Variants in RNF152 observed in about 807,000 individuals in gnomAD.
RNF152 encodes the protein E3 ubiquitin-protein ligase RNF152.
A neutral mutation model predicts 12.7 loss-of-function variants in RNF152; 11 were observed. The observed-to-expected ratio is 0.86, with a 90% confidence interval of 0.54 to 1.43. The LOEUF (loss-of-function observed/expected upper bound fraction) is 1.43, where lower values mean the gene tolerates loss of function less well. Ranked by LOEUF, RNF152 falls within the 40% of genes most tolerant of loss-of-function variation. RNF152 has a pLI of 0.00. For missense variants in RNF152, 255 were observed against 274.8 expected (o/e 0.93, Z 0.51); for synonymous variants, 113 against 120.3 (o/e 0.94, Z 0.40).
intron 1 of RNF152, among the ~76,000 whole-genome samples, chr18:61,839,998 G>C (rs1240801986): frequency 6.6e-6 from 1 of 152,194 alleles, no homozygotes. Flanking sequence ...TCCTTTTAGT[G>C]AAAAATGTCA....
chr18:61,842,651 C>T (rs1424770490), intron 1 of RNF152, among the ~76,000 whole-genome samples: 1 of 152,174 alleles, frequency 6.6e-6, no homozygotes, highest in Non-Finnish European at 1.5e-5. Flanking sequence ...TAAAGACACA[C>T]CTGAGACTGG....
chr18:61,886,126 G>A (rs959720180), intron 1 of RNF152, among the ~76,000 whole-genome samples: 2 of 151,022 alleles, frequency 1.3e-5, no homozygotes, highest in Admixed American at 6.6e-5. Flanking sequence ...ATTGGTATAC[G>A]TACTGCAGCC....
In RNF152 at chr18:61,808,184, T is replaced by G. The variant is rs1912781270; in HGVS notation, c.*7668A>C. ...CAGTTTGGCATACAAAAATACCATA[T>G]ATTAAAATTGGGTTCATTGGAAAAC... On this transcript the variant is annotated 3_prime_UTR_variant, in exon 2 of 2. Coordinates refer to ENST00000312828, the MANE Select transcript of RNF152 (RefSeq NM_173557.3). 6.6e-6 allele frequency: 1 copy of G among 151,956 alleles called. No homozygotes were observed. The highest frequency in any genetic ancestry group is 1.5e-5 in the Non-Finnish European group (1 of 67,976). 9.4% of individuals were successfully genotyped at this position (151,956 alleles called of 1,614,324 possible).
chr18:61,848,864 G>A (rs1388849773), intron 1 of RNF152, among the ~76,000 whole-genome samples: 1 of 152,202 alleles, frequency 6.6e-6, no homozygotes, highest in Non-Finnish European at 1.5e-5. Flanking sequence ...CCAACATGAA[G>A]CCAGAGGGCA....
intron 1 of RNF152, among the ~76,000 whole-genome samples, chr18:61,870,992 C>A (rs182808294): frequency 6.6e-6 from 1 of 152,166 alleles, no homozygotes; most frequent in Non-Finnish European, 1.5e-5. Flanking sequence ...GATAATGGCA[C>A]CCCAAGGCCC....
chr18:61,847,080 A>C (rs1272992851), intron 1 of RNF152, among the ~76,000 whole-genome samples: 1 of 152,092 alleles, frequency 6.6e-6, no homozygotes, highest in Non-Finnish European at 1.5e-5. Context: ...CTCAGCAAAC[A>C]CCGGTACTCC....
At chr18:61,822,870 A>G (rs920857164) in intron 1 of RNF152, among the ~76,000 whole-genome samples, 2 of 152,264 alleles carry the variant, frequency 1.3e-5, no homozygotes, top group Middle Eastern at 3.2e-3. Flanking sequence ...GAAATAGCAC[A>G]TCTTTCTGAT....
At chr18:61,884,293 A>G (rs1043359302) in intron 1 of RNF152, among the ~76,000 whole-genome samples, 1 of 152,066 alleles carries the variant, frequency 6.6e-6, no homozygotes, top group African/African-American at 2.4e-5. Flanking sequence ...TGAAATTTAA[A>G]CCCAAACCCA....
At chr18:61,846,005 C>T (rs866050350) in intron 1 of RNF152, among the ~76,000 whole-genome samples, 6 of 152,134 alleles carry the variant, frequency 3.9e-5, no homozygotes, top group Non-Finnish European at 7.3e-5. Context: ...TCACTTATCT[C>T]GTTCCACCAT....
At position 61,837,995 on chromosome 18, in the gene RNF152, C is replaced by T. The variant is rs190570570; in HGVS notation, c.-135-21397G>A. 2.2e-4 allele frequency among the ~76,000 whole-genome samples: 33 copies of T among 148,482 alleles called. No homozygotes were observed. The East Asian group carries it at 6.2e-3, about 28-fold the overall frequency. On this transcript the variant is annotated intron_variant, in intron 1 of 1. Coordinates refer to ENST00000312828, the MANE Select transcript of RNF152 (RefSeq NM_173557.3). ...CACTCTTCAACCTCTGATTTCTCAC[C>T]TCTGTGCCAGTCTTTTGAAGAAACA... is the stretch of plus-strand genomic sequence containing the variant.
chr18:61,856,963 C>A (rs1407281734), intron 1 of RNF152, among the ~76,000 whole-genome samples: 10 of 152,254 alleles, frequency 6.6e-5, no homozygotes, highest in East Asian at 1.9e-4. Flanking sequence ...CTTCTAATAG[C>A]CCTCATTTAG....
In RNF152 at chr18:61,813,637, T is replaced by C. The variant is rs890529546; in HGVS notation, c.*2215A>G. ...TAACCTACTTTAACAAGTAGAACTC[T>C]ATCACGTACTATACTACAGGGTCAG... is the stretch of plus-strand genomic sequence containing the variant. On this transcript the variant is annotated 3_prime_UTR_variant, in exon 2 of 2. Transcript: ENST00000312828. 4 of 152,242 alleles carry C rather than the reference T, an allele frequency of 2.6e-5. No individual in the cohort carries two copies. Among genetic ancestry groups the C allele is most frequent in the Non-Finnish European group, 5.9e-5 (4 of 68,046 alleles). 9.4% of individuals were successfully genotyped at this position (152,242 alleles called of 1,614,324 possible). A position where few individuals can be genotyped will look rare whatever the true frequency, so the allele number is the denominator to read the frequency against.
intron 1 of RNF152, among the ~76,000 whole-genome samples, chr18:61,879,031 G>A (rs1465631967): frequency 6.6e-6 from 1 of 152,208 alleles, no homozygotes; most frequent in East Asian, 1.9e-4. Context: ...GCCTGAGGGA[G>A]CTGGAGGAGG....
At chr18:61,863,232 A>C (rs1911567959) in intron 1 of RNF152, among the ~76,000 whole-genome samples, 1 of 152,088 alleles carries the variant, frequency 6.6e-6, no homozygotes, top group African/African-American at 2.4e-5. Flanking sequence ...CAGGAGATCA[A>C]GACCATCCTG....
intron 1 of RNF152, among the ~76,000 whole-genome samples, chr18:61,820,329 ACC>A (rs202002174): frequency 3.4e-4 from 24 of 70,502 alleles, no homozygotes; most frequent in Non-Finnish European, 4.1e-4. Context: ...ACTCCGTCTC[ACC>A]AAAAAAAAAA....
intron 1 of RNF152, among the ~76,000 whole-genome samples, chr18:61,841,900 C>A (rs1474003713): frequency 6.6e-6 from 1 of 152,210 alleles, no homozygotes; most frequent in Non-Finnish European, 1.5e-5. Context: ...GCATCTGTTA[C>A]AACTGCTCAA....
At chr18:61,825,854 A>G (rs1652697877) in intron 1 of RNF152, among the ~76,000 whole-genome samples, 1 of 151,906 alleles carries the variant, frequency 6.6e-6, no homozygotes, top group South Asian at 2.1e-4. Context: ...CATGTTCCCT[A>G]CTCCTAATTT....
At chr18:61,882,045 C>T (rs146644709) in intron 1 of RNF152, among the ~76,000 whole-genome samples, 16 of 152,184 alleles carry the variant, frequency 1.1e-4, no homozygotes, top group African/African-American at 3.6e-4. Flanking sequence ...TTCAAACATC[C>T]GAAATCCGAA....
chr18:61,858,684 G>A (rs1911332524), intron 1 of RNF152, among the ~76,000 whole-genome samples: 1 of 152,084 alleles, frequency 6.6e-6, no homozygotes, highest in Admixed American at 6.6e-5. Context: ...CTGCATCCTA[G>A]CCTAAAACTT....
Sources: allele counts gnomAD v4.1 joint callset (sites outside exome capture counted in the v4.1 genomes callset), GRCh38; gene constraint gnomAD v4.1.1; transcripts MANE v1.5; gene names NCBI Gene and HGNC (gene_info 2026-07-23, HGNC 2026-07-21).